The following VAV2 variants were observed in gnomAD, a reference collection of about 807,000 sequenced individuals.
VAV2 encodes the protein vav guanine nucleotide exchange factor 2.
A neutral mutation model predicts 132.5 loss-of-function variants in VAV2; 67 were observed. That is an observed-to-expected ratio of 0.51 (90% CI 0.42 to 0.62). The LOEUF (loss-of-function observed/expected upper bound fraction) is 0.62, where lower values mean the gene tolerates loss of function less well. VAV2 is among the 20% of genes least tolerant of loss of function. The pLI is 0.00. For synonymous variants in VAV2, 492 were observed against 443.5 expected (o/e 1.11, Z -1.37); for missense variants, 938 against 1,153.6 (o/e 0.81, Z 2.71).
chr9:133,889,326 G>A (rs1838838640), intron 2 of VAV2, among the ~76,000 whole-genome samples: 1 of 152,184 alleles, frequency 6.6e-6, no homozygotes, highest in African/African-American at 2.4e-5. Context: ...CGCCTGTGTG[G>A]GAGACAGCAT....
chr9:133,812,466 G>A (rs1835397810), intron 4 of VAV2, among the ~76,000 whole-genome samples: 1 of 152,196 alleles, frequency 6.6e-6, no homozygotes, highest in Non-Finnish European at 1.5e-5. Context: ...AGAGGGATCT[G>A]CCAGGACAAA....
intron 3 of VAV2, among the ~76,000 whole-genome samples, chr9:133,858,047 T>C (rs930914212): frequency 6.6e-6 from 1 of 152,230 alleles, no homozygotes; most frequent in African/African-American, 2.4e-5. Flanking sequence ...TGAGCAGGCT[T>C]GGGGTGCTCA....
chr9:133,777,539 T>A, intron 22 of VAV2, 76 bp from the exon 23 acceptor site: 1 of 1,412,132 alleles, frequency 7.1e-7, no homozygotes, highest in Non-Finnish European at 9.9e-7. Context: ...TTAGACGGAC[T>A]CAGCGTATGC....
intron 2 of VAV2, among the ~76,000 whole-genome samples, chr9:133,933,938 TG>T (rs1840800608): frequency 2.7e-5 from 2 of 73,582 alleles, no homozygotes; most frequent in East Asian, 8.7e-4. Context: ...AATGGATGGA[TG>T]GATGGATGGA....
At chr9:133,878,958 A>T (rs562851595) in intron 2 of VAV2, among the ~76,000 whole-genome samples, 3 of 152,250 alleles carry the variant, frequency 2.0e-5, no homozygotes, top group East Asian at 3.9e-4. Context: ...TCGAGAGATC[A>T]ACAAATCCAG....
chr9:133,888,678 A>G (rs1838808670), intron 2 of VAV2, among the ~76,000 whole-genome samples: 1 of 152,200 alleles, frequency 6.6e-6, no homozygotes, highest in Non-Finnish European at 1.5e-5. Context: ...ACGTCCCCCA[A>G]ACAGGGTCAG....
rs747112648 is a variant in VAV2 at position 133,778,806 on chromosome 9, C to T, written c.1846G>A (p.Val616Met). 24 of 1,612,974 alleles carry T rather than the reference C, an allele frequency of 1.5e-5. No homozygotes were observed. The highest frequency in any genetic ancestry group is 6.6e-5 in the South Asian group (6 of 91,084). The stretch of plus-strand genomic sequence containing the variant: ...GGGTCGCCCCTCAGCAGCTCAAGCA[C>T]GTCGCCCGTCTGGAAGGTCAGCACA... ...KPVLTFQTGD[V>M]LELLRGDPES... is the part of the protein sequence containing the mutation. The change falls in exon 22 of 30, where the codon GTG (valine) becomes ATG (methionine). Residue 616 changes from valine to methionine, a missense_variant. By Grantham distance (21) the Val-to-Met change is conservative. Coordinates refer to ENST00000371850, the MANE Select transcript of VAV2 (RefSeq NM_001134398.2).
At chr9:133,797,910 AC>A in intron 9 of VAV2, 101 bp from the exon 10 acceptor site, 1 of 1,027,182 alleles carries the variant, frequency 9.7e-7, no homozygotes, top group African/African-American at 1.6e-5. Context: ...TAGGTGCGCA[AC>A]CAACAGGCCC....
At position 133,783,604 on chromosome 9, in the gene VAV2, G is replaced by C; in HGVS notation, c.1635-13C>G. On this transcript the variant is annotated splice_polypyrimidine_tract_variant and intron_variant, in intron 18 of 29. Transcript: ENST00000371850. ...GTAGAAGGTGCCCCTGCACAGGGGA[G>C]GGCAGGAGGTGAGGTCGAGGCTGGG... 1 of 1,613,668 alleles carries C rather than the reference G, an allele frequency of 6.2e-7. No homozygotes were observed. Among genetic ancestry groups the C allele is most frequent in the Non-Finnish European group, 8.5e-7 (1 of 1,179,766 alleles).
intron 3 of VAV2, among the ~76,000 whole-genome samples, chr9:133,846,068 C>T (rs956329519): frequency 1.3e-5 from 2 of 152,234 alleles, no homozygotes; most frequent in South Asian, 2.1e-4. Flanking sequence ...GAAGGCCTCA[C>T]AGGACGGAAG....
chr9:133,943,465 G>T (rs2132152002), intron 1 of VAV2, among the ~76,000 whole-genome samples: 1 of 152,340 alleles, frequency 6.6e-6, no homozygotes, highest in East Asian at 1.9e-4. Context: ...GGAGCAAGCG[G>T]CATTCTTCTC....
intron 25 of VAV2, among the ~76,000 whole-genome samples, 157 bp downstream of exon 25, chr9:133,774,778 C>CGT (rs1166983081): frequency 6.6e-6 from 1 of 152,162 alleles, no homozygotes; most frequent in African/African-American, 2.4e-5. Context: ...GACCCCCTGA[C>CGT]CCCTCAGCAC....
At chr9:133,842,488 C>T (rs1228590662) in intron 3 of VAV2, among the ~76,000 whole-genome samples, 8 of 152,194 alleles carry the variant, frequency 5.3e-5, no homozygotes, top group Admixed American at 6.5e-5. Context: ...ATCTACTGTC[C>T]GGGTTTGCCC....
rs1836384375 is a variant in VAV2 at position 133,834,452 on chromosome 9, G to A, written c.381-112C>T. 5 of 1,088,458 alleles carry A rather than the reference G, an allele frequency of 4.6e-6. No individual in the cohort carries two copies. The East Asian group carries it at 1.3e-4, about 28-fold the overall frequency. 67.4% of individuals were successfully genotyped at this position (1,088,458 alleles called of 1,614,324 possible). ...GTGTGGCCCAGCCAGGAGCAAAGGG[G>A]CTCTTGTCCACTCTCTGGAAGGACA... is the stretch of plus-strand genomic sequence containing the variant. On this transcript the variant is annotated intron_variant, in intron 3 of 29. Coordinates refer to ENST00000371850, the MANE Select transcript of VAV2 (RefSeq NM_001134398.2). The surrounding 1 kb of genome is among the most constrained non-coding windows in gnomAD (Gnocchi z 5.9).
At chr9:133,947,647 C>G (rs1241983398) in intron 1 of VAV2, among the ~76,000 whole-genome samples, 1 of 149,344 alleles carries the variant, frequency 6.7e-6, no homozygotes, top group Non-Finnish European at 1.5e-5. Context: ...TGCAGTGAGC[C>G]GAGATCATGC....
chr9:133,861,201 C>T, intron 3 of VAV2, 173 bp downstream of exon 3: 1 of 636,684 alleles, frequency 1.6e-6, no homozygotes. Context: ...GCCTCCCGCC[C>T]CCCACACCCC....
chr9:133,881,854 G>T (rs529594435), intron 2 of VAV2, among the ~76,000 whole-genome samples: 1 of 152,212 alleles, frequency 6.6e-6, no homozygotes, highest in Non-Finnish European at 1.5e-5. Context: ...CTGGCATCAC[G>T]GCAACACTGG....
At chr9:133,817,353 T>C (rs1359833570) in intron 4 of VAV2, among the ~76,000 whole-genome samples, 4 of 152,254 alleles carry the variant, frequency 2.6e-5, no homozygotes, top group African/African-American at 9.6e-5. Context: ...TCCCTGTTAT[T>C]TGAAGTGTGT....
At chr9:133,936,907 C>G (rs1478068845) in intron 2 of VAV2, among the ~76,000 whole-genome samples, 1 of 152,228 alleles carries the variant, frequency 6.6e-6, no homozygotes, top group Non-Finnish European at 1.5e-5. Flanking sequence ...CCCCTCAGAG[C>G]CGCAGCCGCC....
Sources: allele counts gnomAD v4.1 joint callset (sites outside exome capture counted in the v4.1 genomes callset), GRCh38; gene constraint gnomAD v4.1.1; non-coding constraint Gnocchi (gnomAD v3.1); transcripts MANE v1.5; gene names NCBI Gene and HGNC (gene_info 2026-07-23, HGNC 2026-07-21).